Variants in AGAP1 observed in about 807,000 individuals in gnomAD.
The protein encoded by AGAP1 is arf-GAP with GTPase, ANK repeat and PH domain-containing protein 1.
A neutral mutation model predicts 105.3 loss-of-function variants in AGAP1; 29 were observed. The ratio of observed to expected loss-of-function variants is 0.28; its 90% confidence interval spans 0.21 to 0.38. The LOEUF (loss-of-function observed/expected upper bound fraction) is 0.38. Ranked by LOEUF, AGAP1 falls within the 10% of genes least tolerant of loss-of-function variation. The pLI, the probability that AGAP1 is intolerant of heterozygous loss-of-function variation, is 1.00. For synonymous variants in AGAP1, 509 were observed against 485.9 expected (o/e 1.05, Z -0.63); for missense variants, 998 against 1,165.1 (o/e 0.86, Z 2.09).
In AGAP1 at chr2:235,716,845, A is replaced by G. The variant is rs1951133408; in HGVS notation, c.223-712A>G. Among the ~76,000 whole-genome samples the G allele has an allele frequency of 6.6e-6, 1 of 152,036 alleles. No homozygotes were observed. The highest frequency in any genetic ancestry group is 2.1e-4 in the South Asian group (1 of 4,828). ...CCCCTGGAAAGTCAGCCTTGCCGCC[A>G]GGTTACTGCTAGGACAGAGGCCCTC... On this transcript the variant is annotated intron_variant, in intron 2 of 17. Transcript: ENST00000304032. This position sits in a 1 kb window ranked among gnomAD's most constrained non-coding sequence, Gnocchi z 4.0.
At chr2:235,727,393 C>A (rs971307390) in intron 3 of AGAP1, among the ~76,000 whole-genome samples, 11 of 152,082 alleles carry the variant, frequency 7.2e-5, no homozygotes, top group African/African-American at 2.7e-4. Context: ...TCACAGATCA[C>A]GTTACACCCA....
rs1182040657 is a variant in AGAP1 at position 235,552,755 on chromosome 2, C to T, written c.163+57906C>T. On this transcript the variant is annotated intron_variant, in intron 1 of 17. Coordinates refer to ENST00000304032, the MANE Select transcript of AGAP1 (RefSeq NM_001037131.3). This position sits in a 1 kb window ranked among gnomAD's most constrained non-coding sequence, Gnocchi z 5.9. ...GTGAAGAGTGAGGAGAGAGCAGTGG[C>T]CAAAGTGGAGAGAGTTGAGTTTCAG... 6.6e-6 allele frequency among the ~76,000 whole-genome samples: 1 copy of T among 152,094 alleles called. No individual in the cohort carries two copies. Among genetic ancestry groups the T allele is most frequent in the Admixed American group, 6.5e-5 (1 of 15,268 alleles).
Position 235,934,971 on chromosome 2 carries a change from G to A in AGAP1, c.1483+4048G>A, listed in dbSNP as rs919829820. ...CCTCTCTAGACACACCGGTCCCCCC[G>A]GGGTTTCTTCCTTTAAAGCAGCTGT... On this transcript the variant is annotated intron_variant, in intron 12 of 17. Coordinates refer to ENST00000304032, the MANE Select transcript of AGAP1 (RefSeq NM_001037131.3). This position sits in a 1 kb window ranked among gnomAD's most constrained non-coding sequence, Gnocchi z 4.9. Among the ~76,000 whole-genome samples the A allele has an allele frequency of 2.1e-4, 32 of 152,120 alleles. No individual in the cohort carries two copies. Among genetic ancestry groups the A allele is most frequent in the East Asian group, 1.9e-4 (1 of 5,178 alleles).
At chr2:235,523,756 CCA>C (rs1942716952) in intron 1 of AGAP1, among the ~76,000 whole-genome samples, 1 of 152,104 alleles carries the variant, frequency 6.6e-6, no homozygotes, top group South Asian at 2.1e-4. Context: ...GGCCGACTGA[CCA>C]CCGTGTGACC....
chr2:235,591,956 G>A (rs751941128), intron 1 of AGAP1, among the ~76,000 whole-genome samples: 52 of 150,266 alleles, frequency 3.5e-4, no homozygotes, highest in Non-Finnish European at 5.8e-4. Flanking sequence ...CCCTTAGCAA[G>A]AGCAGATGCT....
chr2:235,756,820 G>A (rs1352317074), intron 6 of AGAP1, among the ~76,000 whole-genome samples: 1 of 152,148 alleles, frequency 6.6e-6, no homozygotes, highest in Non-Finnish European at 1.5e-5. Context: ...TCTAATGCCT[G>A]ACGAGCTGAG....
chr2:235,989,656 C>T lies in AGAP1; in HGVS notation c.1645+21033C>T, dbSNP rs2055476040. 6.6e-6 allele frequency among the ~76,000 whole-genome samples: 1 copy of T among 152,174 alleles called. No individual in the cohort carries two copies. ...GGGATTAGGAGAGTTCGGGCTGCAC[C>T]AGCTCCTGGGTGTTGGTTGGAGAAA... is the stretch of plus-strand genomic sequence containing the variant. On this transcript the variant is annotated intron_variant, in intron 13 of 17. Transcript: ENST00000304032. The surrounding 1 kb of genome is among the most constrained non-coding windows in gnomAD (Gnocchi z 4.4).
intron 12 of AGAP1, among the ~76,000 whole-genome samples, chr2:235,939,238 C>G (rs1231440784): frequency 6.6e-6 from 1 of 152,120 alleles, no homozygotes; most frequent in East Asian, 1.9e-4. Context: ...CCTGAAGGCC[C>G]TCTGCATCCT....
In AGAP1 at chr2:235,660,209, G is replaced by A. The variant is rs1201728190; in HGVS notation, c.164-48970G>A. On this transcript the variant is annotated intron_variant, in intron 1 of 17. Transcript: ENST00000304032. This position sits in a 1 kb window ranked among gnomAD's most constrained non-coding sequence, Gnocchi z 5.3. ...AGGATTTTTGTGGCTAGGGGAAGAA[G>A]TGAATCACCCTCTTCTCTGTGTCTT... Among the ~76,000 whole-genome samples, 7 of 152,196 alleles carry A rather than the reference G, an allele frequency of 4.6e-5. No homozygotes were observed. The highest frequency in any genetic ancestry group is 8.8e-5 in the Non-Finnish European group (6 of 68,050).
chr2:235,517,751 A>G lies in AGAP1; in HGVS notation c.163+22902A>G, dbSNP rs1559217645. ...CAGGAGTTCGAGACCAGCCTGGCCAACATGGTGAAACCCCGTTTCTACTAA... is the reference window on the plus strand; with the variant it reads ...CAGGAGTTCGAGACCAGCCTGGCCAGCATGGTGAAACCCCGTTTCTACTAA... On this transcript the variant is annotated intron_variant, in intron 1 of 17. Transcript: ENST00000304032. The surrounding 1 kb of genome is among the most constrained non-coding windows in gnomAD (Gnocchi z 4.1). Among the ~76,000 whole-genome samples, 1 of 152,120 alleles carries G rather than the reference A, an allele frequency of 6.6e-6. No homozygotes were observed. Among genetic ancestry groups the G allele is most frequent in the Non-Finnish European group, 1.5e-5 (1 of 68,024 alleles).
intron 1 of AGAP1, among the ~76,000 whole-genome samples, chr2:235,693,561 A>G (rs1381463471): frequency 1.3e-5 from 2 of 152,174 alleles, no homozygotes; most frequent in Non-Finnish European, 2.9e-5. Flanking sequence ...GAAAGCTCTC[A>G]TTAAAAGAGC....
At position 235,639,034 on chromosome 2, in the gene AGAP1, C is replaced by T. The variant is rs1947105405; in HGVS notation, c.164-70145C>T. Among the ~76,000 whole-genome samples the T allele has an allele frequency of 6.6e-6, 1 of 151,980 alleles. No individual in the cohort carries two copies. Among genetic ancestry groups the T allele is most frequent in the African/African-American group, 2.4e-5 (1 of 41,354 alleles). On this transcript the variant is annotated intron_variant, in intron 1 of 17. Coordinates refer to ENST00000304032, the MANE Select transcript of AGAP1 (RefSeq NM_001037131.3). This position sits in a 1 kb window ranked among gnomAD's most constrained non-coding sequence, Gnocchi z 5.3. ...TGAGACCCACTGGTTAAAATAGTGT[C>T]AGTAGGGGTGGAGAGAAGGGGACAA... is the stretch of plus-strand genomic sequence containing the variant.
chr2:235,564,763 AGCCTGGACCAGCACCCACGGCCAGGTGTG>A lies in AGAP1; in HGVS notation c.163+69915_163+69943del, dbSNP rs1442711057. Among the ~76,000 whole-genome samples the A allele has an allele frequency of 7.0e-3, 1,000 of 142,258 alleles. 46 individuals carry two copies. The highest frequency in any genetic ancestry group is 0.026 in the African/African-American group (943 of 36,820). The allele number at this position is 142,258 out of a possible 152,430, so 93.3% of individuals were successfully genotyped here. On this transcript the variant is annotated intron_variant, in intron 1 of 17. Transcript: ENST00000304032. The stretch of plus-strand genomic sequence containing the variant: ...GGACCAGCACCCAGGGCCAGGTGTG[AGCCTGGACCAGCACCCACGGCCAGGTGTG>A]AGCCTGGACCAGCACCCACGGCCAG...
intron 6 of AGAP1, among the ~76,000 whole-genome samples, chr2:235,768,007 G>A (rs368104603): frequency 9.9e-5 from 15 of 152,164 alleles, no homozygotes; most frequent in African/African-American, 3.1e-4. Flanking sequence ...GGCTGGTTTC[G>A]AACTCCTGGC....
At chr2:235,573,519 C>T (rs1944640028) in intron 1 of AGAP1, among the ~76,000 whole-genome samples, 2 of 152,164 alleles carry the variant, frequency 1.3e-5, no homozygotes, top group South Asian at 2.1e-4. Context: ...CTTATTTAGT[C>T]AGTGTGTATA....
At chr2:235,607,185 A>G (rs1427933630) in intron 1 of AGAP1, among the ~76,000 whole-genome samples, 1 of 131,326 alleles carries the variant, frequency 7.6e-6, no homozygotes, top group African/African-American at 3.6e-5. Flanking sequence ...CCAAATCCAG[A>G]GCCCCCCCTT....
chr2:235,693,050 T>C (rs964344131), intron 1 of AGAP1, among the ~76,000 whole-genome samples: 2 of 152,096 alleles, frequency 1.3e-5, no homozygotes, highest in African/African-American at 4.8e-5. Context: ...CCTAGGGGCC[T>C]TCCTGATGTG....
Position 235,830,719 on chromosome 2 carries a change from A to G in AGAP1, c.1050+23388A>G, listed in dbSNP as rs1218753013. ...CCCAAGCCACTAACACAGCACTCCT[A>G]GTGTTCCTCACAGCAGGTGGAAAAT... is the stretch of plus-strand genomic sequence containing the variant. On this transcript the variant is annotated intron_variant, in intron 9 of 17. Transcript: ENST00000304032. This position sits in a 1 kb window ranked among gnomAD's most constrained non-coding sequence, Gnocchi z 5.5. Among the ~76,000 whole-genome samples the G allele has an allele frequency of 1.3e-5, 2 of 152,190 alleles. No individual in the cohort carries two copies. The highest frequency in any genetic ancestry group is 2.4e-5 in the African/African-American group (1 of 41,450).
chr2:235,825,743 A>G (rs1470205540), intron 9 of AGAP1, among the ~76,000 whole-genome samples: 1 of 152,238 alleles, frequency 6.6e-6, no homozygotes, highest in Non-Finnish European at 1.5e-5. Context: ...GTTTAATTTG[A>G]AATGTTAAAA....
Sources: allele counts gnomAD v4.1 joint callset (sites outside exome capture counted in the v4.1 genomes callset), GRCh38; gene constraint gnomAD v4.1.1; non-coding constraint Gnocchi (gnomAD v3.1); transcripts MANE v1.5; gene names NCBI Gene and HGNC (gene_info 2026-07-23, HGNC 2026-07-21).